The following TRAPPC9 variants were observed in gnomAD, a reference collection of about 807,000 sequenced individuals.
TRAPPC9 encodes trafficking protein particle complex subunit 9, also known as IKK2 binding protein.
In TRAPPC9, 83 loss-of-function variants were observed where a neutral mutation model predicts 124.0. That is an observed-to-expected ratio of 0.67 (90% CI 0.56 to 0.80). The LOEUF is 0.80. Ranked by LOEUF, TRAPPC9 falls within the 30% of genes least tolerant of loss-of-function variation. TRAPPC9 has a pLI of 0.00. For synonymous variants in TRAPPC9, 638 were observed against 617.5 expected, an observed-to-expected ratio of 1.03 and a Z score of -0.49; for missense variants, 1,302 against 1,508.3, an observed-to-expected ratio of 0.86 and a Z score of 2.27.
intron 17 of TRAPPC9, among the ~76,000 whole-genome samples, chr8:140,206,921 T>C (rs1208639848): frequency 6.6e-6 from 1 of 152,090 alleles, no homozygotes; most frequent in East Asian, 1.9e-4. Flanking sequence ...CGAGCACCCG[T>C]CATGTGCCAG....
At chr8:140,102,206 C>A (rs1162215725) in intron 17 of TRAPPC9, among the ~76,000 whole-genome samples, 1 of 152,158 alleles carries the variant, frequency 6.6e-6, no homozygotes, top group Non-Finnish European at 1.5e-5. Context: ...GCTGTGATTA[C>A]TAGTGCAACT....
At chr8:140,022,430 A>C (rs1220651387) in intron 18 of TRAPPC9, among the ~76,000 whole-genome samples, 1 of 152,178 alleles carries the variant, frequency 6.6e-6, no homozygotes, top group African/African-American at 2.4e-5. Flanking sequence ...CTGACCACCT[A>C]CGCTTCCAAA....
At chr8:140,123,212 T>TC (rs1362445163) in intron 17 of TRAPPC9, among the ~76,000 whole-genome samples, 2 of 151,906 alleles carry the variant, frequency 1.3e-5, no homozygotes, top group Non-Finnish European at 2.9e-5. Flanking sequence ...TCAGAGCCCT[T>TC]CCCACAGTCA....
chr8:139,730,661 T>C lies in TRAPPC9; in HGVS notation c.*400A>G. Reference sequence around the variant, plus strand: ...CTGTGCCCAGTCTCATGCTCACCATTTCTTTCTATGGCCAAAGGGAAGTCG... The same window carrying C: ...CTGTGCCCAGTCTCATGCTCACCATCTCTTTCTATGGCCAAAGGGAAGTCG... On this transcript the variant is annotated 3_prime_UTR_variant, in exon 23 of 23. Transcript: ENST00000438773. The C allele has an allele frequency of 4.2e-6, 1 of 236,738 alleles. No individual in the cohort carries two copies. Among genetic ancestry groups the C allele is most frequent in the East Asian group, 1.0e-4 (1 of 9,792 alleles). The allele number at this position is 236,738 out of a possible 1,614,324, so 14.7% of individuals were successfully genotyped here.
At chr8:140,111,295 C>A (rs960964338) in intron 17 of TRAPPC9, among the ~76,000 whole-genome samples, 9 of 152,072 alleles carry the variant, frequency 5.9e-5, no homozygotes, top group African/African-American at 1.4e-4. Context: ...TCCTACCAGG[C>A]AAACTCAGAG....
chr8:139,892,150 G>C (rs765110538), intron 20 of TRAPPC9, among the ~76,000 whole-genome samples: 1 of 152,238 alleles, frequency 6.6e-6, no homozygotes, highest in Non-Finnish European at 1.5e-5. Flanking sequence ...AGGCAAGGCT[G>C]CTAAGAAGCT....
At chr8:140,425,430 A>G (rs1377286988) in intron 5 of TRAPPC9, among the ~76,000 whole-genome samples, 1 of 152,154 alleles carries the variant, frequency 6.6e-6, no homozygotes. Context: ...ACAAAGCCCC[A>G]CAGAATCTCC....
At chr8:139,955,222 G>A (rs1459576062) in intron 19 of TRAPPC9, among the ~76,000 whole-genome samples, 7 of 152,038 alleles carry the variant, frequency 4.6e-5, no homozygotes, top group Admixed American at 1.3e-4. Context: ...CCCGTTTCTG[G>A]TAACAGTGAT....
chr8:140,125,393 G>A (rs748284158), intron 17 of TRAPPC9, among the ~76,000 whole-genome samples: 13 of 152,148 alleles, frequency 8.5e-5, no homozygotes, highest in Non-Finnish European at 7.3e-5. Flanking sequence ...GCAGGGGCAC[G>A]CAGACCACGG....
chr8:140,161,889 G>A (rs1287008867), intron 17 of TRAPPC9, among the ~76,000 whole-genome samples: 2 of 152,102 alleles, frequency 1.3e-5, no homozygotes, highest in African/African-American at 4.8e-5. Flanking sequence ...CCAGAGCAGC[G>A]GCATGGTGCA....
intron 9 of TRAPPC9, among the ~76,000 whole-genome samples, chr8:140,336,910 G>GTTAA (rs1554670086): frequency 6.6e-6 from 1 of 151,566 alleles, no homozygotes; most frequent in African/African-American, 2.4e-5. Flanking sequence ...CAGGATATGG[G>GTTAA]GTAAGACAAT....
chr8:139,805,380 T>C (rs1823976023), intron 21 of TRAPPC9, among the ~76,000 whole-genome samples: 2 of 152,072 alleles, frequency 1.3e-5, no homozygotes, highest in Non-Finnish European at 2.9e-5. Context: ...GGGTCGGAAG[T>C]GGGAAGACCC....
In TRAPPC9 at chr8:139,775,699, C is replaced by A. The variant is rs539993585; in HGVS notation, c.3056-43497G>T. 2.8e-4 allele frequency among the ~76,000 whole-genome samples: 42 copies of A among 152,310 alleles called. No homozygotes were observed. The South Asian group carries it at 7.9e-3, about 29-fold the overall frequency. ...GGCTGTGAGTCTGGCAGGCTGGGGC[C>A]ACCCCGACATCCCCCTAGCTGGCCA... is the stretch of plus-strand genomic sequence containing the variant. On this transcript the variant is annotated intron_variant, in intron 21 of 22. Transcript: ENST00000438773.
chr8:139,991,668 G>A (rs558050008), intron 18 of TRAPPC9, among the ~76,000 whole-genome samples: 5 of 151,590 alleles, frequency 3.3e-5, no homozygotes, highest in Non-Finnish European at 7.4e-5. Flanking sequence ...AGACCAAGGC[G>A]AGTCTCTGAA....
chr8:140,186,591 GC>G (rs2062360054), intron 17 of TRAPPC9, among the ~76,000 whole-genome samples: 1 of 151,984 alleles, frequency 6.6e-6, no homozygotes, highest in Non-Finnish European at 1.5e-5. Flanking sequence ...TTATTAAATG[GC>G]TACTCATATT....
chr8:140,265,632 C>T (rs2064621855), intron 15 of TRAPPC9, among the ~76,000 whole-genome samples: 1 of 152,156 alleles, frequency 6.6e-6, no homozygotes, highest in African/African-American at 2.4e-5. Context: ...AGAGAGCCAT[C>T]GATTAACAGT....
chr8:140,390,404 C>A (rs1327745309), intron 7 of TRAPPC9, among the ~76,000 whole-genome samples: 1 of 152,234 alleles, frequency 6.6e-6, no homozygotes, highest in Non-Finnish European at 1.5e-5. Context: ...CTGTGAAGCA[C>A]CATTCTCATC....
chr8:140,144,037 A>C lies in TRAPPC9; in HGVS notation c.2556+77422T>G, dbSNP rs149099296. ...GATTTGGGGCTTTCTATTCTCTTTC[A>C]TTTGTCTATTTGTCAAATAAATAAT... On this transcript the variant is annotated intron_variant, in intron 17 of 22. Transcript: ENST00000438773. Among the ~76,000 whole-genome samples, 127 of 152,302 alleles carry C rather than the reference A, an allele frequency of 8.3e-4. 1 individual carries two copies. In the East Asian group the frequency reaches 0.022, roughly 26 times the overall value.
intron 15 of TRAPPC9, among the ~76,000 whole-genome samples, chr8:140,271,687 T>C (rs4736166): frequency 0.25 from 38,036 of 152,180 alleles, 5,174 homozygotes; most frequent in Non-Finnish European, 0.32. Flanking sequence ...GAAACCCGAA[T>C]GCTACACCAT....
Sources: gnomAD v4.1 joint callset for allele counts (sites outside exome capture counted in the v4.1 genomes callset) on GRCh38, gnomAD v4.1.1 for gene constraint, MANE v1.5 for transcripts, NCBI Gene and HGNC (gene_info 2026-07-23, HGNC 2026-07-21) for gene names.